DNMT3A: variants seen among roughly 807,000 people sequenced by gnomAD.
DNMT3A encodes DNA (cytosine-5)-methyltransferase 3A.
In DNMT3A, 267 loss-of-function variants were observed where a neutral mutation model predicts 117.6. The ratio of observed to expected loss-of-function variants is 2.27; its 90% confidence interval spans 2.05 to 2.51. The LOEUF is 2.51. Among genes scored for constraint, DNMT3A ranks in the 30% most tolerant of loss-of-function variants. The pLI, the probability that DNMT3A is intolerant of heterozygous loss-of-function variation, is 0.00. For synonymous variants in DNMT3A, 432 were observed against 474.8 expected (o/e 0.91, Z 1.17); for missense variants, 1,029 against 1,260.2 (o/e 0.82, Z 2.78).
intron 6 of DNMT3A, among the ~76,000 whole-genome samples, chr2:25,264,818 C>T (rs1009725900): frequency 1.3e-5 from 2 of 152,036 alleles, no homozygotes. Flanking sequence ...GACGTATATG[C>T]GAGGTCTGAG....
At chr2:25,245,897 G>T in intron 12 of DNMT3A, 123 bp downstream of exon 12, 1 of 1,225,252 alleles carries the variant, frequency 8.2e-7, no homozygotes, top group Non-Finnish European at 1.2e-6. Context: ...GAAGCACGGT[G>T]AAGGTGGTGT....
rs945159910 is a variant in DNMT3A at position 25,247,851 on chromosome 2, C to T, written c.856-102G>A. 3.2e-6 allele frequency: 5 copies of T among 1,548,158 alleles called. No individual in the cohort carries two copies. The highest frequency in any genetic ancestry group is 3.9e-5 in the Admixed American group (2 of 51,238). On this transcript the variant is annotated intron_variant, in intron 7 of 22. Transcript: ENST00000321117. This position sits in a 1 kb window ranked among gnomAD's most constrained non-coding sequence, Gnocchi z 5.6. ...AGCCCTGGGCATCTGGGGGGCAGGA[C>T]AGCCAGGAGGGAGCTCCATCTGAAT...
chr2:25,326,145 TGTGTGTG>T (rs2034781472), intron 1 of DNMT3A, among the ~76,000 whole-genome samples: 1 of 149,836 alleles, frequency 6.7e-6, no homozygotes, highest in Non-Finnish European at 1.5e-5. Flanking sequence ...TGTGTGTGTG[TGTGTGTG>T]GTGTGTTTGC....
chr2:25,250,410 C>A (rs184581391), intron 6 of DNMT3A, among the ~76,000 whole-genome samples: 46 of 152,330 alleles, frequency 3.0e-4, no homozygotes, highest in African/African-American at 1.1e-3. Context: ...CCCCAACCCC[C>A]AAACAGCTGG....
At chr2:25,317,798 C>T (rs1184890764) in intron 1 of DNMT3A, among the ~76,000 whole-genome samples, 3 of 152,050 alleles carry the variant, frequency 2.0e-5, no homozygotes, top group Non-Finnish European at 4.4e-5. Context: ...TGCAATGCCG[C>T]GATCTCGGCT....
chr2:25,271,549 C>T (rs919704640), intron 6 of DNMT3A, among the ~76,000 whole-genome samples: 12 of 152,156 alleles, frequency 7.9e-5, no homozygotes, highest in African/African-American at 2.7e-4. Context: ...GAATAGGAAA[C>T]GTAAATTCTA....
At position 25,281,951 on chromosome 2, in the gene DNMT3A, A is replaced by T; in HGVS notation, c.448+490T>A. On this transcript the variant is annotated intron_variant, in intron 4 of 22. Transcript: ENST00000321117. This position sits in a 1 kb window ranked among gnomAD's most constrained non-coding sequence, Gnocchi z 4.8. ...CTGCACTCAGGGAGGCAAACAGGGT[A>T]TCTGCTGCCCTTGAGTGCCCAGGCC... 4 of 1,084,162 alleles carry T rather than the reference A, an allele frequency of 3.7e-6. No homozygotes were observed. Among genetic ancestry groups the T allele is most frequent in the Non-Finnish European group, 4.5e-6 (4 of 889,914 alleles). The allele number at this position is 1,084,162 out of a possible 1,614,324, so 67.2% of individuals were successfully genotyped here.
In DNMT3A at chr2:25,242,046, C is replaced by T; in HGVS notation, c.1937-339G>A. The T allele has an allele frequency of 9.5e-6, 3 of 315,750 alleles. No homozygotes were observed. In the South Asian group the frequency reaches 1.1e-4, roughly 12 times the overall value. The allele number at this position is 315,750 out of a possible 1,614,324, so 19.6% of individuals were successfully genotyped here. On this transcript the variant is annotated intron_variant, in intron 16 of 22. Transcript: ENST00000321117. ...TTGTCCGTCTACAACTTGGTCCTTC[C>T]ATACCCTCTTATCACCTCCTGCTAC...
chr2:25,322,654 C>T lies in DNMT3A; in HGVS notation c.-177-8493G>A, dbSNP rs10172079. On this transcript the variant is annotated intron_variant, in intron 1 of 22. Transcript: ENST00000321117. Reference sequence around the variant, plus strand: ...CCCTGCACCACACTGTCCCCACTGCCGCCCCCACTTCCTCACCAACCCCAG... The same window carrying T: ...CCCTGCACCACACTGTCCCCACTGCTGCCCCCACTTCCTCACCAACCCCAG... Among the ~76,000 whole-genome samples the T allele has an allele frequency of 7.4e-3, 1,129 of 151,636 alleles. 12 individuals carry two copies. Among genetic ancestry groups the T allele is most frequent in the African/African-American group, 0.026 (1,068 of 41,158 alleles).
In DNMT3A at chr2:25,282,717, A is replaced by C; in HGVS notation, c.178-6T>G. 6.6e-7 allele frequency: 1 copy of C among 1,519,816 alleles called. No individual in the cohort carries two copies. Among genetic ancestry groups the C allele is most frequent in the Non-Finnish European group, 8.8e-7 (1 of 1,133,044 alleles). The allele number at this position is 1,519,816 out of a possible 1,614,324, so 94.1% of individuals were successfully genotyped here. On this transcript the variant is annotated splice_region_variant and splice_polypyrimidine_tract_variant and intron_variant, in intron 3 of 22. Transcript: ENST00000321117. The surrounding 1 kb of genome is among the most constrained non-coding windows in gnomAD (Gnocchi z 5.2). ...GGCGTGTCACCGCTTTCCACCTGCA[A>C]ATGTAAGAAAGATACACAAGAGGAG...
chr2:25,243,850 C>A (rs1352232432), intron 16 of DNMT3A, 48 bp downstream of exon 16: 2 of 1,547,462 alleles, frequency 1.3e-6, no homozygotes, highest in South Asian at 1.2e-5. Flanking sequence ...CCTGGCTCCC[C>A]CATCCTGGGA....
At chr2:25,288,518 G>A (rs2032497874) in intron 3 of DNMT3A, among the ~76,000 whole-genome samples, 1 of 151,700 alleles carries the variant, frequency 6.6e-6, no homozygotes, top group Non-Finnish European at 1.5e-5. Flanking sequence ...CACCATCTTG[G>A]CCAGGCTGGT....
At chr2:25,313,306 T>C (rs1444887469) in intron 2 of DNMT3A, among the ~76,000 whole-genome samples, 1 of 144,534 alleles carries the variant, frequency 6.9e-6, no homozygotes, top group East Asian at 2.1e-4. Flanking sequence ...ACCAGCTCCG[T>C]GGCCAAAAGC....
At position 25,311,056 on chromosome 2, in the gene DNMT3A, C is replaced by A. The variant is rs1195073192; in HGVS notation, c.72+2857G>T. Among the ~76,000 whole-genome samples, 2 of 149,640 alleles carry A rather than the reference C, an allele frequency of 1.3e-5. No homozygotes were observed. Among genetic ancestry groups the A allele is most frequent in the Non-Finnish European group, 2.9e-5 (2 of 67,848 alleles). On this transcript the variant is annotated intron_variant, in intron 2 of 22. Coordinates refer to ENST00000321117, the MANE Select transcript of DNMT3A (RefSeq NM_022552.5). The surrounding 1 kb of genome is among the most constrained non-coding windows in gnomAD (Gnocchi z 5.2). ...CATGCGGCAGAGGGAGCAGCATAAACAAAGACCTGGAGACTCCAGGAAGTA... is the reference window on the plus strand; with the variant it reads ...CATGCGGCAGAGGGAGCAGCATAAAAAAAGACCTGGAGACTCCAGGAAGTA...
chr2:25,229,112 C>T lies in DNMT3A; in HGVS notation c.*5167G>A, dbSNP rs1336884632. 6.6e-6 allele frequency: 1 copy of T among 152,254 alleles called. No homozygotes were observed. Among genetic ancestry groups the T allele is most frequent in the Non-Finnish European group, 1.5e-5 (1 of 68,068 alleles). 9.4% of individuals were successfully genotyped at this position (152,254 alleles called of 1,614,324 possible). A position where few individuals can be genotyped will look rare whatever the true frequency, so the allele number is the denominator to read the frequency against. On this transcript the variant is annotated 3_prime_UTR_variant, in exon 23 of 23. Coordinates refer to ENST00000321117, the MANE Select transcript of DNMT3A (RefSeq NM_022552.5). ...AGACAGGTCACCCACCAAAGGCCCA[C>T]CTTAGCTGGGTCTCGGAAACACAGA...
At chr2:25,308,968 T>TATACACACACAC (rs1553430137) in intron 2 of DNMT3A, among the ~76,000 whole-genome samples, 2 of 144,046 alleles carry the variant, frequency 1.4e-5, no homozygotes, top group African/African-American at 5.1e-5. Flanking sequence ...CACAGATGCA[T>TATACACACACAC]ACACACACAC....
intron 6 of DNMT3A, among the ~76,000 whole-genome samples, chr2:25,265,438 A>G (rs2030236631): frequency 6.6e-6 from 1 of 152,244 alleles, no homozygotes; most frequent in African/African-American, 2.4e-5. Context: ...AGTTTTGCCC[A>G]TTGGGCCACT....
rs1230937058 is a variant in DNMT3A at position 25,233,231 on chromosome 2, T to C, written c.*1048A>G. 4.3e-6 allele frequency: 1 copy of C among 233,606 alleles called. No homozygotes were observed. The highest frequency in any genetic ancestry group is 8.5e-6 in the Non-Finnish European group (1 of 118,022). 14.5% of individuals were successfully genotyped at this position (233,606 alleles called of 1,614,324 possible). A position where few individuals can be genotyped will look rare whatever the true frequency, so the allele number is the denominator to read the frequency against. On this transcript the variant is annotated 3_prime_UTR_variant, in exon 23 of 23. Transcript: ENST00000321117. The stretch of plus-strand genomic sequence containing the variant: ...GCCCGACCACCTCATCTAGCCCCCT[T>C]TTTGGCAGGGAGAACCTGGCTCCCA...
Position 25,311,960 on chromosome 2 carries a change from A to G in DNMT3A, c.72+1953T>C, listed in dbSNP as rs1349028108. 6.6e-6 allele frequency among the ~76,000 whole-genome samples: 1 copy of G among 152,148 alleles called. No homozygotes were observed. Among genetic ancestry groups the G allele is most frequent in the African/African-American group, 2.4e-5 (1 of 41,436 alleles). On this transcript the variant is annotated intron_variant, in intron 2 of 22. Coordinates refer to ENST00000321117, the MANE Select transcript of DNMT3A (RefSeq NM_022552.5). This position sits in a 1 kb window ranked among gnomAD's most constrained non-coding sequence, Gnocchi z 5.2. ...CATTGGTGGTGGCCTGGGGCTCCGC[A>G]GCCCAGAGCAGCAGCAGCGGCGTGG...
Sources: gnomAD v4.1 joint callset for allele counts (sites outside exome capture counted in the v4.1 genomes callset) on GRCh38, gnomAD v4.1.1 for gene constraint, Gnocchi (gnomAD v3.1) non-coding constraint, MANE v1.5 for transcripts, NCBI Gene and HGNC (gene_info 2026-07-23, HGNC 2026-07-21) for gene names.